The following GPHN variants were observed in gnomAD, a reference collection of about 807,000 sequenced individuals.
The protein encoded by GPHN is gephyrin.
A neutral mutation model predicts 95.5 loss-of-function variants in GPHN; 17 were observed. The observed-to-expected ratio is 0.18, with a 90% CI of 0.12 to 0.27. The LOEUF is 0.27. Ranked by LOEUF, GPHN falls within the 10% of genes least tolerant of loss-of-function variation. The probability of loss-of-function intolerance (pLI) is 1.00; values close to 1 mark genes in which losing one functional copy is unlikely to be tolerated. For missense variants in GPHN, 660 were observed against 978.1 expected, an observed-to-expected ratio of 0.67 and a Z score of 4.34; for synonymous variants, 320 against 322.5, an observed-to-expected ratio of 0.99 and a Z score of 0.08.
chr14:66,570,820 G>A (rs2060657973), intron 1 of GPHN, among the ~76,000 whole-genome samples: 1 of 152,050 alleles, frequency 6.6e-6, no homozygotes, highest in Admixed American at 6.5e-5. Context: ...ACAGGTGTGA[G>A]GTGATATCTT....
chr14:66,555,224 A>G (rs1016681716), intron 1 of GPHN, among the ~76,000 whole-genome samples: 1 of 152,228 alleles, frequency 6.6e-6, no homozygotes, highest in Non-Finnish European at 1.5e-5. Context: ...TATATTATGC[A>G]TATGGTATAT....
At chr14:67,506,794 G>GTCT in the GPHN span, among the ~76,000 whole-genome samples, 1 of 152,152 alleles carries the variant, frequency 6.6e-6, no homozygotes, top group Non-Finnish European at 1.5e-5. Context: ...GACCATCCTG[G>GTCT]CCAACGTGGT....
intron 9 of GPHN, among the ~76,000 whole-genome samples, chr14:67,013,232 A>G (rs1004920670): frequency 7.2e-5 from 11 of 152,022 alleles, no homozygotes; most frequent in Non-Finnish European, 1.5e-4. Context: ...GTGGAAACTA[A>G]TACTTGAAAT....
intron 8 of GPHN, among the ~76,000 whole-genome samples, chr14:66,962,265 T>A (rs1421725951): frequency 2.6e-5 from 4 of 151,540 alleles, no homozygotes; most frequent in African/African-American, 9.7e-5. Flanking sequence ...GAATCTCATT[T>A]ATTTCTGTAA....
At chr14:66,629,740 A>C (rs945689598) in intron 1 of GPHN, among the ~76,000 whole-genome samples, 2 of 152,126 alleles carry the variant, frequency 1.3e-5, no homozygotes, top group Non-Finnish European at 2.9e-5. Context: ...CTATGACATC[A>C]CTATTTGATA....
chr14:67,392,575 C>T, the GPHN span: 1 of 1,327,668 alleles, frequency 7.5e-7, no homozygotes, highest in Non-Finnish European at 1.1e-6. Context: ...AGGTCTCCTC[C>T]CATGACTGTG....
At chr14:66,780,889 T>C (rs1018927350) in intron 3 of GPHN, among the ~76,000 whole-genome samples, 8 of 152,220 alleles carry the variant, frequency 5.3e-5, no homozygotes, top group Admixed American at 2.0e-4. Flanking sequence ...TCTTAAATTG[T>C]CTAAACAGAA....
the GPHN span, among the ~76,000 whole-genome samples, chr14:67,560,799 C>T: frequency 3.0e-4 from 43 of 143,206 alleles, no homozygotes; most frequent in African/African-American, 1.1e-3. Flanking sequence ...GGCACAATAT[C>T]GGCTCTCTGC....
chr14:66,983,804 A>G (rs1445271982), intron 9 of GPHN, among the ~76,000 whole-genome samples: 12 of 152,168 alleles, frequency 7.9e-5, no homozygotes, highest in African/African-American at 2.7e-4. Flanking sequence ...TTCCATATAT[A>G]TAGTAACGTA....
chr14:67,531,071 T>G, the GPHN span, among the ~76,000 whole-genome samples: 1 of 152,192 alleles, frequency 6.6e-6, no homozygotes, highest in Non-Finnish European at 1.5e-5. Flanking sequence ...CATCTCTCTG[T>G]TCCATCCTCC....
chr14:67,527,746 G>A, the GPHN span, among the ~76,000 whole-genome samples: 1 of 152,318 alleles, frequency 6.6e-6, no homozygotes, highest in African/African-American at 2.4e-5. Flanking sequence ...TGGCAGCCAC[G>A]AAGGTCCTGC....
chr14:67,151,099 A>G (rs2081258662), intron 18 of GPHN, among the ~76,000 whole-genome samples: 1 of 152,230 alleles, frequency 6.6e-6, no homozygotes, highest in South Asian at 2.1e-4. Flanking sequence ...TAATTTATGA[A>G]TACCTTACAG....
intron 3 of GPHN, among the ~76,000 whole-genome samples, chr14:66,817,913 C>G (rs1334289714): frequency 6.6e-6 from 1 of 152,040 alleles, no homozygotes; most frequent in Non-Finnish European, 1.5e-5. Context: ...GAAATCCAGC[C>G]CAGTTGCAAG....
At chr14:66,756,443 A>G (rs1595798649) in intron 2 of GPHN, among the ~76,000 whole-genome samples, 1 of 152,186 alleles carries the variant, frequency 6.6e-6, no homozygotes, top group East Asian at 1.9e-4. Flanking sequence ...GCATCCACAG[A>G]TGTGGAGGGC....
chr14:67,063,097 A>G (rs1001909030), intron 11 of GPHN, among the ~76,000 whole-genome samples: 6 of 152,204 alleles, frequency 3.9e-5, no homozygotes, highest in Admixed American at 2.0e-4. Flanking sequence ...TAATTTTTGT[A>G]TAAGGTATAA....
At chr14:67,451,859 A>G in the GPHN span, among the ~76,000 whole-genome samples, 4 of 152,194 alleles carry the variant, frequency 2.6e-5, no homozygotes, top group East Asian at 1.9e-4. Flanking sequence ...GGGAGGGGCC[A>G]GGGGTGGAAT....
chr14:67,094,397 AT>A (rs975278005), intron 12 of GPHN, among the ~76,000 whole-genome samples: 61 of 152,282 alleles, frequency 4.0e-4, no homozygotes, highest in African/African-American at 1.4e-3. Flanking sequence ...GGTTTGGTTT[AT>A]ATTGCTTTTA....
chr14:67,337,613 CATT>C, the GPHN span: 1 of 151,798 alleles, frequency 6.6e-6, no homozygotes, highest in African/African-American at 2.4e-5. Context: ...CAGAACTAAA[CATT>C]ATTCCATGGC....
At chr14:66,798,897 G>T (rs568970685) in intron 3 of GPHN, among the ~76,000 whole-genome samples, 2 of 151,352 alleles carry the variant, frequency 1.3e-5, no homozygotes, top group Non-Finnish European at 1.5e-5. Flanking sequence ...TCTTTAAGAT[G>T]CATTATTAGA....
Sources: allele counts gnomAD v4.1 joint callset (sites outside exome capture counted in the v4.1 genomes callset), GRCh38; gene constraint gnomAD v4.1.1; transcripts MANE v1.5; gene names NCBI Gene and HGNC (gene_info 2026-07-23, HGNC 2026-07-21).